ABR: variants seen among roughly 807,000 people sequenced by gnomAD.
ABR encodes the protein active breakpoint cluster region-related protein.
In ABR, 35 loss-of-function variants were observed where a neutral mutation model predicts 107.2. That is an observed-to-expected ratio of 0.33 (90% confidence interval 0.25 to 0.43). ABR has a LOEUF of 0.43. Among genes scored for constraint, ABR ranks in the 20% least tolerant of loss-of-function variants. ABR has a pLI of 1.00. For missense variants in ABR, 815 were observed against 1,115.2 expected, an observed-to-expected ratio of 0.73 and a Z score of 3.83; for synonymous variants, 498 against 462.0, an observed-to-expected ratio of 1.08 and a Z score of -1.00.
At position 1,032,014 on chromosome 17, in the gene ABR, C is replaced by A. The variant is rs532234965; in HGVS notation, c.1791+18036G>T. 3.9e-3 allele frequency among the ~76,000 whole-genome samples: 589 copies of A among 151,758 alleles called. 5 individuals carry two copies. Among genetic ancestry groups the A allele is most frequent in the Admixed American group, 6.5e-3 (99 of 15,272 alleles). On this transcript the variant is annotated intron_variant, in intron 16 of 22. Coordinates refer to ENST00000302538, the MANE Select transcript of ABR (RefSeq NM_021962.5). Reference sequence around the variant, plus strand: ...CAGGGCCGCCCCTCCAAGCCCCAACCCCGGGTTTCATCCCTGGCAAGGGCG... The same window carrying A: ...CAGGGCCGCCCCTCCAAGCCCCAACACCGGGTTTCATCCCTGGCAAGGGCG...
At chr17:1,106,387 G>GACAGGAGT (rs1230796877) in intron 2 of ABR, among the ~76,000 whole-genome samples, 1 of 151,034 alleles carries the variant, frequency 6.6e-6, no homozygotes, top group Non-Finnish European at 1.5e-5. Context: ...TGCAGCCCAG[G>GACAGGAGT]ACAGGAGTGT....
intron 16 of ABR, among the ~76,000 whole-genome samples, chr17:1,016,846 C>T (rs563526646): frequency 5.9e-5 from 9 of 152,238 alleles, no homozygotes; most frequent in African/African-American, 1.7e-4. Flanking sequence ...CGTCTCTGTG[C>T]ACTCTGAGGT....
At chr17:1,202,494 AAC>A (rs1275444482) in intron 1 of ABR, among the ~76,000 whole-genome samples, 4 of 152,142 alleles carry the variant, frequency 2.6e-5, no homozygotes, top group Admixed American at 1.3e-4. Context: ...ACAGTCCCCA[AAC>A]ACACACGTGC....
chr17:1,023,198 C>T (rs975974643), intron 16 of ABR, among the ~76,000 whole-genome samples: 4 of 152,220 alleles, frequency 2.6e-5, no homozygotes, highest in Admixed American at 1.3e-4. Flanking sequence ...GCCGGCCCCA[C>T]GTCCACTCCA....
rs1404213861 is a variant in ABR, at chr17:1,078,377, C to A, written c.700+953G>T. Among the ~76,000 whole-genome samples the A allele has an allele frequency of 6.6e-6, 1 of 152,164 alleles. No homozygotes were observed. Among genetic ancestry groups the A allele is most frequent in the Non-Finnish European group, 1.5e-5 (1 of 68,024 alleles). ...AAACTCCCAACTTCTCCCTCTGGCT[C>A]GCGCTGGCACCCTCTCGGCTGGCAA... On this transcript the variant is annotated intron_variant, in intron 6 of 22. Coordinates refer to ENST00000302538, the MANE Select transcript of ABR (RefSeq NM_021962.5). The surrounding 1 kb of genome is among the most constrained non-coding windows in gnomAD (Gnocchi z 7.5).
chr17:1,037,624 C>T lies in ABR; in HGVS notation c.1791+12426G>A, dbSNP rs923934266. On this transcript the variant is annotated intron_variant, in intron 16 of 22. Transcript: ENST00000302538. The surrounding 1 kb of genome is among the most constrained non-coding windows in gnomAD (Gnocchi z 4.6). ...GGGCGTGGCCCCTCAGTATGCTGTC[C>T]CTACCGCTGGAGCCCCCCTGGGCTG... Among the ~76,000 whole-genome samples the T allele has an allele frequency of 6.6e-6, 1 of 152,174 alleles. No homozygotes were observed. Among genetic ancestry groups the T allele is most frequent in the Non-Finnish European group, 1.5e-5 (1 of 68,020 alleles).
chr17:1,058,911 C>A lies in ABR; in HGVS notation c.1183-44G>T, dbSNP rs768559004. The A allele has an allele frequency of 6.8e-6, 11 of 1,610,442 alleles. No homozygotes were observed. In the Admixed American group the frequency reaches 1.8e-4, roughly 27 times the overall value. Reference sequence around the variant, plus strand: ...CAGAGGGTTCCCCTCACACTCGGGCCTTTCTCACGAGCAGCACTAAGCACG... The same window carrying A: ...CAGAGGGTTCCCCTCACACTCGGGCATTTCTCACGAGCAGCACTAAGCACG... On this transcript the variant is annotated intron_variant, in intron 10 of 22. Transcript: ENST00000302538.
intron 22 of ABR, 126 bp from the exon 23 acceptor site, chr17:1,006,295 C>G: frequency 2.3e-6 from 2 of 881,540 alleles, no homozygotes; most frequent in Admixed American, 2.2e-5. Flanking sequence ...CTGGGGAGCC[C>G]AGGTGTGTTT....
At chr17:1,014,034 T>G (rs781338429) in intron 16 of ABR, among the ~76,000 whole-genome samples, 1 of 152,220 alleles carries the variant, frequency 6.6e-6, no homozygotes. Flanking sequence ...GAGTATGATT[T>G]CCAAAATCAT....
chr17:1,224,303 GACTA>G (rs2043175879), intron 1 of ABR, among the ~76,000 whole-genome samples: 1 of 152,154 alleles, frequency 6.6e-6, no homozygotes, highest in African/African-American at 2.4e-5. Context: ...CGAATTGGCA[GACTA>G]ACTTATTTAC....
intron 1 of ABR, among the ~76,000 whole-genome samples, chr17:1,209,205 T>G (rs1306904496): frequency 1.3e-5 from 2 of 152,024 alleles, no homozygotes; most frequent in African/African-American, 4.8e-5. Flanking sequence ...AGACATACAG[T>G]GTTTTACTCT....
At chr17:1,102,770 GCA>G (rs1394363917) in intron 2 of ABR, among the ~76,000 whole-genome samples, 14 of 152,262 alleles carry the variant, frequency 9.2e-5, no homozygotes, top group Non-Finnish European at 1.8e-4. Flanking sequence ...GAGTGCAATG[GCA>G]TGATCTCAGC....
At position 1,215,982 on chromosome 17, in the gene ABR, T is replaced by C. The variant is rs868295449; in HGVS notation, c.838+12811A>G. Among the ~76,000 whole-genome samples the C allele has an allele frequency of 9.1e-4, 122 of 134,030 alleles. 2 individuals are homozygous for C. The highest frequency in any genetic ancestry group is 2.9e-3 in the South Asian group (11 of 3,752). The allele number at this position is 134,030 out of a possible 152,430, so 87.9% of individuals were successfully genotyped here. On this transcript the variant is annotated intron_variant, in intron 1 of 22. Coordinates refer to the ABR transcript ENST00000574139. ...AAACAGATGCTTGAAGGCAGCGTGC[T>C]CGTTAAGAGTCATCACCAATCCCTA...
intron 5 of ABR, 95 bp from the exon 6 acceptor site, chr17:1,079,485 A>C: frequency 8.3e-7 from 1 of 1,200,016 alleles, no homozygotes; most frequent in South Asian, 1.3e-5. Flanking sequence ...TCTGAAACTC[A>C]GGGTGTACAT....
chr17:1,089,129 C>T (rs549474961), intron 4 of ABR, among the ~76,000 whole-genome samples: 134 of 152,196 alleles, frequency 8.8e-4, no homozygotes, highest in African/African-American at 3.1e-3. Context: ...AACTCCTGAC[C>T]TCACGATCCA....
At chr17:1,175,054 A>C (rs2041870154) in intron 1 of ABR, among the ~76,000 whole-genome samples, 1 of 152,218 alleles carries the variant, frequency 6.6e-6, no homozygotes, top group South Asian at 2.1e-4. Context: ...AAATAAAAAA[A>C]TAACAAAGAG....
intron 16 of ABR, among the ~76,000 whole-genome samples, chr17:1,030,069 C>T (rs1053666459): frequency 3.3e-5 from 5 of 152,224 alleles, no homozygotes; most frequent in Admixed American, 2.6e-4. Flanking sequence ...CTCAATAGCC[C>T]GGCGTCTGCC....
rs927988860 is a variant in ABR, at chr17:1,033,276, C to T, written c.1791+16774G>A. 4.6e-5 allele frequency among the ~76,000 whole-genome samples: 7 copies of T among 152,296 alleles called. No individual in the cohort carries two copies. In the East Asian group the frequency reaches 1.4e-3, roughly 29 times the overall value. ...GGTGTTTTTGAGGAATAGGTGGCTT[C>T]CCTGCAGAGACAGCCGTAGTCAGAG... On this transcript the variant is annotated intron_variant, in intron 16 of 22. Transcript: ENST00000302538.
chr17:1,106,776 C>T (rs1362207532), intron 2 of ABR, among the ~76,000 whole-genome samples: 1 of 152,174 alleles, frequency 6.6e-6, no homozygotes, highest in East Asian at 1.9e-4. Context: ...GTGATCCGCC[C>T]ACCTCAGCCT....
Sources: allele counts gnomAD v4.1 joint callset (sites outside exome capture counted in the v4.1 genomes callset), GRCh38; gene constraint gnomAD v4.1.1; non-coding constraint Gnocchi (gnomAD v3.1); transcripts MANE v1.5; gene names NCBI Gene and HGNC (gene_info 2026-07-23, HGNC 2026-07-21).